NOS1AP: variants seen among roughly 807,000 people sequenced by gnomAD.
NOS1AP encodes the protein carboxyl-terminal PDZ ligand of neuronal nitric oxide synthase protein.
NOS1AP carries 21 observed loss-of-function variants against 56.2 expected under a neutral mutation model. The ratio of observed to expected loss-of-function variants is 0.37; its 90% CI spans 0.26 to 0.54. The LOEUF (loss-of-function observed/expected upper bound fraction) is 0.54. Among genes scored for constraint, NOS1AP ranks in the 20% least tolerant of loss-of-function variants. NOS1AP has a pLI of 0.84. For missense variants in NOS1AP, 522 were observed against 657.8 expected (o/e 0.79, Z 2.26); for synonymous variants, 270 against 274.6 (o/e 0.98, Z 0.17).
chr1:162,342,524 A>G (rs1313272736), intron 5 of NOS1AP: 2 of 476,482 alleles, frequency 4.2e-6, no homozygotes, highest in Non-Finnish European at 8.7e-6. Flanking sequence ...ACAGGGTTCC[A>G]AGGTCCCTAG....
chr1:162,128,075 C>A (rs1352749664), intron 1 of NOS1AP, among the ~76,000 whole-genome samples: 1 of 151,870 alleles, frequency 6.6e-6, no homozygotes, highest in Non-Finnish European at 1.5e-5. Context: ...TGAAGTATAG[C>A]AAGATTTTGG....
intron 8 of NOS1AP, chr1:162,365,087 T>C (rs573030209): frequency 7.7e-7 from 1 of 1,296,600 alleles, no homozygotes; most frequent in African/African-American, 1.9e-5. Context: ...TGCACGTGTG[T>C]GTGTACGTGT....
intron 2 of NOS1AP, among the ~76,000 whole-genome samples, chr1:162,169,922 A>G (rs1326742948): frequency 1.3e-5 from 2 of 152,004 alleles, no homozygotes; most frequent in Admixed American, 6.5e-5. Flanking sequence ...TATGTTTTTC[A>G]CTTTCTCTGG....
At position 162,367,071 on chromosome 1, in the gene NOS1AP, G is replaced by C. The variant is rs780611482; in HGVS notation, c.1125G>C (p.Leu375Phe). 6.2e-7 allele frequency: 1 copy of C among 1,613,976 alleles called. No individual in the cohort carries two copies. The highest frequency in any genetic ancestry group is 8.5e-7 in the Non-Finnish European group (1 of 1,180,018). ...GQNAMGSQDSLLEITFRSGAL... is the reference protein window; with the variant it reads ...GQNAMGSQDSFLEITFRSGAL... ...CTGCAGTGGGCTCCCAGGACAGCTT[G>C]CTGGAGATCACCTTCCGCTCCGGAG... The change falls in exon 10 of 10, where the codon TTG becomes TTC. Residue 375 changes from leucine (L) to phenylalanine (F), a missense_variant. Physicochemically the swap from Leu to Phe is conservative, Grantham distance 22. Coordinates refer to ENST00000361897, the MANE Select transcript of NOS1AP (RefSeq NM_014697.3). The surrounding 1 kb of genome is among the most constrained non-coding windows in gnomAD (Gnocchi z 6.5).
chr1:162,231,681 G>A (rs1653130319), intron 2 of NOS1AP, among the ~76,000 whole-genome samples: 1 of 152,178 alleles, frequency 6.6e-6, no homozygotes, highest in African/African-American at 2.4e-5. Context: ...TATATGACCA[G>A]TGACTACAGG....
chr1:162,196,985 C>G (rs762270995), intron 2 of NOS1AP, among the ~76,000 whole-genome samples: 12 of 152,106 alleles, frequency 7.9e-5, no homozygotes, highest in Admixed American at 6.5e-4. Flanking sequence ...TGAGAAATTA[C>G]GAGGAGTGGT....
At chr1:162,107,104 T>C (rs1647544160) in intron 1 of NOS1AP, among the ~76,000 whole-genome samples, 1 of 152,112 alleles carries the variant, frequency 6.6e-6, no homozygotes, top group African/African-American at 2.4e-5. Flanking sequence ...ATATCAGTAA[T>C]AGAGTGATTG....
chr1:162,167,999 A>AAG (rs1186981796), intron 2 of NOS1AP, among the ~76,000 whole-genome samples: 2 of 222 alleles, frequency 9.0e-3, no homozygotes, highest in Non-Finnish European at 0.071. Context: ...GTGGCTAGTC[A>AAG]AAAAAAAAAA....
intron 1 of NOS1AP, among the ~76,000 whole-genome samples, chr1:162,110,622 A>G (rs1647674275): frequency 1.3e-5 from 2 of 152,184 alleles, no homozygotes; most frequent in African/African-American, 4.8e-5. Context: ...GGTGATGCCA[A>G]TGACCTATCA....
At chr1:162,169,185 G>A (rs193236799) in intron 2 of NOS1AP, among the ~76,000 whole-genome samples, 2 of 152,216 alleles carry the variant, frequency 1.3e-5, no homozygotes, top group Admixed American at 1.3e-4. Flanking sequence ...TATTTGATCT[G>A]GAGCCCTGGC....
intron 2 of NOS1AP, among the ~76,000 whole-genome samples, chr1:162,225,490 T>C (rs1652912952): frequency 3.3e-5 from 5 of 152,178 alleles, no homozygotes; most frequent in Admixed American, 3.3e-4. Flanking sequence ...CTTCTTCAGG[T>C]AGGTTGTGTA....
intron 2 of NOS1AP, among the ~76,000 whole-genome samples, chr1:162,219,929 T>C (rs1317882983): frequency 6.6e-6 from 1 of 152,162 alleles, no homozygotes; most frequent in Non-Finnish European, 1.5e-5. Flanking sequence ...TTTTCTGTTG[T>C]GTGTGTGGTT....
Position 162,188,948 on chromosome 1 carries a change from A to C in NOS1AP, c.177+34472A>C, listed in dbSNP as rs1263813320. ...CACAGTGGCCTGTAGTCCCAGCTAC[A>C]CAGGAGGCTGAGGCAGGAGAATCAC... On this transcript the variant is annotated intron_variant, in intron 2 of 9. Transcript: ENST00000361897. The surrounding 1 kb of genome is among the most constrained non-coding windows in gnomAD (Gnocchi z 4.0). 6.6e-6 allele frequency among the ~76,000 whole-genome samples: 1 copy of C among 152,152 alleles called. No individual in the cohort carries two copies. The highest frequency in any genetic ancestry group is 1.5e-5 in the Non-Finnish European group (1 of 68,008).
rs1029392968 is a variant in NOS1AP at position 162,194,721 on chromosome 1, G to T, written c.177+40245G>T. On this transcript the variant is annotated intron_variant, in intron 2 of 9. Coordinates refer to ENST00000361897, the MANE Select transcript of NOS1AP (RefSeq NM_014697.3). ...GTATTTAGGTCTGAGACAGTGTCTC[G>T]CCAACAGCCCTTGCTTTCCTCGGGG... Among the ~76,000 whole-genome samples, 5 of 152,100 alleles carry T rather than the reference G, an allele frequency of 3.3e-5. No individual in the cohort carries two copies. The East Asian group carries it at 9.6e-4, about 29-fold the overall frequency.
At chr1:162,345,730 C>T (rs1657273472) in intron 6 of NOS1AP, among the ~76,000 whole-genome samples, 1 of 152,156 alleles carries the variant, frequency 6.6e-6, no homozygotes, top group Non-Finnish European at 1.5e-5. Flanking sequence ...GGGCAAGTTC[C>T]ATAACCTCTC....
At chr1:162,248,576 GCAGAGAGCTTACAT>G (rs1359526464) in intron 2 of NOS1AP, among the ~76,000 whole-genome samples, 2 of 152,156 alleles carry the variant, frequency 1.3e-5, no homozygotes, top group South Asian at 4.1e-4. Flanking sequence ...AGGAGAGGGG[GCAGAGAGCTTACAT>G]CAATTTCCTT....
intron 2 of NOS1AP, among the ~76,000 whole-genome samples, chr1:162,256,050 A>G (rs1654017204): frequency 6.6e-6 from 1 of 152,128 alleles, no homozygotes; most frequent in Admixed American, 6.6e-5. Flanking sequence ...AGACTGAGGC[A>G]GGAGAATTGC....
intron 2 of NOS1AP, among the ~76,000 whole-genome samples, chr1:162,223,401 A>T (rs1046618789): frequency 2.6e-5 from 4 of 152,132 alleles, no homozygotes; most frequent in African/African-American, 7.2e-5. Flanking sequence ...TATAGAATAG[A>T]TTCTGTATTG....
intron 6 of NOS1AP, among the ~76,000 whole-genome samples, chr1:162,353,857 C>A (rs1408514154): frequency 6.6e-6 from 1 of 152,236 alleles, no homozygotes; most frequent in African/African-American, 2.4e-5. Flanking sequence ...CTTCCAGGTG[C>A]AGGCTGTGGT....
Sources: gnomAD v4.1 joint callset for allele counts (sites outside exome capture counted in the v4.1 genomes callset) on GRCh38, gnomAD v4.1.1 for gene constraint, Gnocchi (gnomAD v3.1) non-coding constraint, MANE v1.5 for transcripts, NCBI Gene and HGNC (gene_info 2026-07-23, HGNC 2026-07-21) for gene names.